The following TRAPPC9 variants were observed in gnomAD, a reference collection of about 807,000 sequenced individuals.
TRAPPC9 encodes the protein IKK2 binding protein.
Under a neutral mutation model 124.0 loss-of-function variants are expected in TRAPPC9, and 83 were observed. That is an observed-to-expected ratio of 0.67 (90% CI 0.56 to 0.80). The LOEUF (loss-of-function observed/expected upper bound fraction) is 0.80. Among genes scored for constraint, TRAPPC9 ranks in the 30% least tolerant of loss-of-function variants. The pLI, the probability that TRAPPC9 is intolerant of heterozygous loss-of-function variation, is 0.00. For synonymous variants in TRAPPC9, 638 were observed against 617.5 expected (o/e 1.03, Z -0.49); for missense variants, 1,302 against 1,508.3 (o/e 0.86, Z 2.27).
intron 18 of TRAPPC9, among the ~76,000 whole-genome samples, chr8:140,022,083 T>C (rs746054277): frequency 3.3e-5 from 5 of 152,186 alleles, no homozygotes; most frequent in Non-Finnish European, 5.9e-5. Context: ...CTCTGGACTT[T>C]ATCTCATCAG....
At chr8:140,044,189 C>T (rs1841435500) in intron 17 of TRAPPC9, among the ~76,000 whole-genome samples, 1 of 151,920 alleles carries the variant, frequency 6.6e-6, no homozygotes, top group African/African-American at 2.4e-5. Context: ...AAAGCCACAC[C>T]CCTCAACTAC....
chr8:140,291,271 T>A, intron 11 of TRAPPC9, 193 bp from the exon 12 acceptor site: 1 of 651,338 alleles, frequency 1.5e-6, no homozygotes, highest in East Asian at 2.8e-5. Flanking sequence ...TAGCTGTCAC[T>A]GGCACTTTGA....
intron 21 of TRAPPC9, among the ~76,000 whole-genome samples, chr8:139,755,423 G>GT: frequency 6.8e-6 from 1 of 147,052 alleles, no homozygotes; most frequent in Non-Finnish European, 1.5e-5. Flanking sequence ...AGGGTTTGGG[G>GT]ATGAGAACAG....
chr8:140,195,871 CTCA>C (rs1280477492), intron 17 of TRAPPC9, among the ~76,000 whole-genome samples: 1 of 149,660 alleles, frequency 6.7e-6, no homozygotes, highest in Non-Finnish European at 1.5e-5. Flanking sequence ...CTAAAACACA[CTCA>C]ACGATCCACC....
At chr8:140,174,362 C>T (rs1308207492) in intron 17 of TRAPPC9, among the ~76,000 whole-genome samples, 1 of 149,284 alleles carries the variant, frequency 6.7e-6, no homozygotes, top group Non-Finnish European at 1.5e-5. Flanking sequence ...ACATCCTGCA[C>T]ATGTACCCCC....
intron 17 of TRAPPC9, among the ~76,000 whole-genome samples, chr8:140,161,177 C>T (rs2061745328): frequency 1.3e-5 from 2 of 152,312 alleles, no homozygotes; most frequent in South Asian, 4.1e-4. Flanking sequence ...AACACATCAC[C>T]TGCAGGCATT....
chr8:139,909,938 G>A (rs557039424), intron 20 of TRAPPC9, among the ~76,000 whole-genome samples: 4 of 152,236 alleles, frequency 2.6e-5, no homozygotes, highest in Non-Finnish European at 5.9e-5. Context: ...ACCTTTCCTC[G>A]CCCCCAATCA....
intron 16 of TRAPPC9, among the ~76,000 whole-genome samples, chr8:140,233,370 A>G (rs2131384228): frequency 1.3e-5 from 2 of 151,986 alleles, no homozygotes; most frequent in Middle Eastern, 3.4e-3. Flanking sequence ...GCGCCCAGCT[A>G]ATTTTTTGTG....
chr8:140,355,660 G>C (rs2067719199), intron 9 of TRAPPC9, among the ~76,000 whole-genome samples: 1 of 152,214 alleles, frequency 6.6e-6, no homozygotes, highest in South Asian at 2.1e-4. Context: ...TTAACTAAGG[G>C]CTCTGGCCAT....
chr8:140,244,666 C>T (rs140373106), intron 16 of TRAPPC9, among the ~76,000 whole-genome samples: 2 of 152,272 alleles, frequency 1.3e-5, no homozygotes, highest in East Asian at 3.9e-4. Flanking sequence ...AAAGAGGGCA[C>T]GTGCAGCAGC....
At chr8:140,411,055 T>C (rs2069690145) in intron 5 of TRAPPC9, among the ~76,000 whole-genome samples, 3 of 152,190 alleles carry the variant, frequency 2.0e-5, no homozygotes, top group Non-Finnish European at 4.4e-5. Context: ...CAGCACCCTG[T>C]GTATTTATCC....
chr8:139,779,860 G>A (rs947490619), intron 21 of TRAPPC9, among the ~76,000 whole-genome samples: 2 of 152,180 alleles, frequency 1.3e-5, no homozygotes, highest in South Asian at 2.1e-4. Flanking sequence ...AAAGTCAATC[G>A]CTTTCCTATA....
intron 9 of TRAPPC9, among the ~76,000 whole-genome samples, chr8:140,321,475 G>A (rs950039293): frequency 2.4e-4 from 36 of 152,354 alleles, no homozygotes; most frequent in African/African-American, 8.4e-4. Flanking sequence ...TGCATAAGCT[G>A]TAAAAGGGGC....
Position 139,731,176 on chromosome 8 carries a change from G to C in TRAPPC9, c.3332C>G (p.Thr1111Arg), listed in dbSNP as rs757136848. Residue 1111 changes from threonine to arginine, a missense_variant, in exon 23 of 23, where the codon ACG becomes AGG. Transcript: ENST00000438773. ...CCGGATGTGGAGGAAGAAGTCTCCCGTGTAGAGGAAGAGGAGGGCCCCGAG... is the reference window on the plus strand; with the variant it reads ...CCGGATGTGGAGGAAGAAGTCTCCCCTGTAGAGGAAGAGGAGGGCCCCGAG... ...ACLGALLFLY[T>R]GDFFLHIRFH... is the part of the protein sequence containing the mutation. 6.2e-7 allele frequency: 1 copy of C among 1,613,898 alleles called. No individual in the cohort carries two copies. Among genetic ancestry groups the C allele is most frequent in the Non-Finnish European group, 8.5e-7 (1 of 1,179,980 alleles).
At chr8:140,398,487 G>A (rs547170721) in intron 6 of TRAPPC9, among the ~76,000 whole-genome samples, 22 of 152,190 alleles carry the variant, frequency 1.4e-4, no homozygotes, top group Non-Finnish European at 2.6e-4. Flanking sequence ...GGGCTGAGGT[G>A]GTCTCGGATG....
At chr8:140,302,668 A>C (rs1036119619) in intron 10 of TRAPPC9, 1 of 152,260 alleles carries the variant, frequency 6.6e-6, no homozygotes, top group African/African-American at 2.4e-5. Context: ...GAGGAATGAC[A>C]GTCAACAACC....
intron 19 of TRAPPC9, among the ~76,000 whole-genome samples, chr8:139,964,675 C>G (rs1174017173): frequency 6.8e-6 from 1 of 146,642 alleles, no homozygotes. Context: ...ACAGCATCTC[C>G]AAGATGATAA....
intron 17 of TRAPPC9, among the ~76,000 whole-genome samples, chr8:140,151,534 T>G (rs1056249199): frequency 3.9e-5 from 6 of 152,174 alleles, no homozygotes; most frequent in South Asian, 2.1e-4. Context: ...GTGCCCTCCC[T>G]GTACGTGAGC....
intron 21 of TRAPPC9, among the ~76,000 whole-genome samples, chr8:139,821,600 A>T (rs557073013): frequency 6.6e-6 from 1 of 152,378 alleles, no homozygotes; most frequent in African/African-American, 2.4e-5. Flanking sequence ...ATGGGAATGG[A>T]GGTGGCAGAG....
Sources: allele counts gnomAD v4.1 joint callset (sites outside exome capture counted in the v4.1 genomes callset), GRCh38; gene constraint gnomAD v4.1.1; transcripts MANE v1.5; gene names NCBI Gene and HGNC (gene_info 2026-07-23, HGNC 2026-07-21).